The following MYH1 variants were observed in gnomAD, a reference collection of about 807,000 sequenced individuals.
MYH1 encodes the protein myosin-1.
MYH1 carries 214 observed loss-of-function variants against 225.6 expected under a neutral mutation model. The observed-to-expected ratio is 0.95, with a 90% CI of 0.85 to 1.06. The LOEUF is 1.06. Among genes scored for constraint, MYH1 ranks in the 50% least tolerant of loss-of-function variants. MYH1 has a pLI of 0.00. For synonymous variants in MYH1, 774 were observed against 842.3 expected (o/e 0.92, Z 1.40); for missense variants, 2,098 against 2,344.2 (o/e 0.89, Z 2.17).
chr17:10,500,784 A>G, intron 27 of MYH1, 32 bp from the exon 28 acceptor site: 1 of 1,613,988 alleles, frequency 6.2e-7, no homozygotes, highest in Non-Finnish European at 8.5e-7. Flanking sequence ...AGGCATCTCA[A>G]GTAAGTAGTT....
In MYH1 at chr17:10,515,966, G is replaced by T. The variant is rs749850764; in HGVS notation, c.465C>A (p.Ile155=). The T allele has an allele frequency of 4.3e-6, 7 of 1,614,096 alleles. No homozygotes were observed. The African/African-American group carries it at 6.7e-5, about 15-fold the overall frequency. ...GKKRQEAPPH[I]FSISDNAYQF... The stretch of plus-strand genomic sequence containing the variant: ...GATAGGCATTGTCAGAGATGGAGAA[G>T]ATGTGGGGTGGGGCCTCCTGGCGCT... Residue 155 remains isoleucine (I), a synonymous_variant, in exon 5 of 40, where the codon ATC becomes ATA. Coordinates refer to ENST00000226207, the MANE Select transcript of MYH1 (RefSeq NM_005963.4).
chr17:10,500,352 C>G (rs2073038431), intron 28 of MYH1, among the ~76,000 whole-genome samples: 1 of 150,978 alleles, frequency 6.6e-6, no homozygotes, highest in African/African-American at 2.4e-5. Context: ...ATTTATCTCT[C>G]TCTCTCTCTT....
chr17:10,516,777 T>G (rs1286405197), intron 2 of MYH1, 95 bp from the exon 3 acceptor site: 1 of 1,032,666 alleles, frequency 9.7e-7, no homozygotes, highest in African/African-American at 1.6e-5. Flanking sequence ...ACCAATTGAG[T>G]GCTTAGCATT....
At chr17:10,510,409 C>T (rs1169267859) in intron 14 of MYH1, among the ~76,000 whole-genome samples, 1 of 152,102 alleles carries the variant, frequency 6.6e-6, no homozygotes, top group Admixed American at 6.6e-5. Flanking sequence ...ATCATTTGCT[C>T]ATTTCATGGG....
At chr17:10,505,335 C>T in intron 20 of MYH1, 36 bp from the exon 21 acceptor site, 1 of 1,614,170 alleles carries the variant, frequency 6.2e-7, no homozygotes, top group Non-Finnish European at 8.5e-7. Context: ...AGAAAATTTA[C>T]ATAAAGTTCA....
At chr17:10,512,288 G>A (rs2073177960) in intron 12 of MYH1, 96 bp from the exon 13 acceptor site, 2 of 1,589,230 alleles carry the variant, frequency 1.3e-6, no homozygotes, top group Non-Finnish European at 1.7e-6. Context: ...TAGAAAGTCT[G>A]TGTGTGGGTA....
Position 10,513,674 on chromosome 17 carries a change from T to A in MYH1, c.757A>T (p.Ile253Phe). ...AGTTTCCCTGTGGTACCGAAGTGGATCCTGATGAATTTACCCTTGTAAGTA... is the reference window on the plus strand; with the variant it reads ...AGTTTCCCTGTGGTACCGAAGTGGAACCTGATGAATTTACCCTTGTAAGTA... Reference protein sequence around the residue: ...NSSRFGKFIRIHFGTTGKLAS... With the variant: ...NSSRFGKFIRFHFGTTGKLAS... The change falls in exon 9 of 40, where the codon ATC becomes TTC. Residue 253 changes from isoleucine to phenylalanine, a missense_variant. Coordinates refer to ENST00000226207, the MANE Select transcript of MYH1 (RefSeq NM_005963.4). 3 of 1,614,066 alleles carry A rather than the reference T, an allele frequency of 1.9e-6. No homozygotes were observed. Among genetic ancestry groups the A allele is most frequent in the Non-Finnish European group, 2.5e-6 (3 of 1,179,976 alleles).
chr17:10,500,571 A>G, intron 28 of MYH1, 55 bp downstream of exon 28: 1 of 1,608,368 alleles, frequency 6.2e-7, no homozygotes, highest in South Asian at 1.1e-5. Flanking sequence ...TTTTCAGTGG[A>G]TTACACATGC....
chr17:10,513,107 G>T, intron 9 of MYH1, 142 bp from the exon 10 acceptor site: 1 of 641,478 alleles, frequency 1.6e-6, no homozygotes, highest in Non-Finnish European at 2.8e-6. Flanking sequence ...CACATATTAT[G>T]TCTCTACAAA....
chr17:10,505,591 G>A, intron 19 of MYH1, 80 bp from the exon 20 acceptor site: 1 of 1,520,558 alleles, frequency 6.6e-7, no homozygotes, highest in Non-Finnish European at 8.9e-7. Flanking sequence ...AAACAACATA[G>A]CCACTGGGTA....
chr17:10,513,985 G>A (rs887021573), intron 7 of MYH1, 25 bp downstream of exon 7: 3 of 1,614,068 alleles, frequency 1.9e-6, no homozygotes, highest in Non-Finnish European at 2.5e-6. Flanking sequence ...ACAGAGCCTG[G>A]ATTCTGACTA....
In MYH1 at chr17:10,516,168, C is replaced by T. The variant is rs751091908; in HGVS notation, c.348+31G>A. ...CTTTTCAAAAACTATTAACTACTCT[C>T]ATGAGTAGAAGACCGTGAGAAAGAA... is the stretch of plus-strand genomic sequence containing the variant. On this transcript the variant is annotated intron_variant, in intron 4 of 39. Coordinates refer to ENST00000226207, the MANE Select transcript of MYH1 (RefSeq NM_005963.4). 20 of 1,613,790 alleles carry T rather than the reference C, an allele frequency of 1.2e-5. No homozygotes were observed. The South Asian group carries it at 1.8e-4, about 14-fold the overall frequency.
At position 10,492,379 on chromosome 17, in the gene MYH1, G is replaced by GT; in HGVS notation, c.*36dup. 1 of 1,604,398 alleles carries GT rather than the reference G, an allele frequency of 6.2e-7. No homozygotes were observed. Among genetic ancestry groups the GT allele is most frequent in the Non-Finnish European group, 8.5e-7 (1 of 1,176,244 alleles). ...GGAGTGACAAAGATTTTCACATTTT[G>GT]TGCATTTCTTTGGTCACCTTTCAGC... On this transcript the variant is annotated 3_prime_UTR_variant, in exon 40 of 40. Coordinates refer to ENST00000226207, the MANE Select transcript of MYH1 (RefSeq NM_005963.4).
rs761823646 is a variant in MYH1 at position 10,516,654 on chromosome 17, A to G, written c.-12T>C. 3.5e-5 allele frequency: 57 copies of G among 1,614,068 alleles called. No homozygotes were observed. The highest frequency in any genetic ancestry group is 4.7e-5 in the Non-Finnish European group (55 of 1,180,026). ...GAGTCGGAACTCATGGCTGCAGGTT[A>G]TTGATGGTAGCCCAGTTAAGGACCC... On this transcript the variant is annotated 5_prime_UTR_variant, in exon 3 of 40. Coordinates refer to ENST00000226207, the MANE Select transcript of MYH1 (RefSeq NM_005963.4).
Position 10,508,528 on chromosome 17 carries a change from C to T in MYH1, c.1732G>A (p.Ala578Thr), listed in dbSNP as rs2073139187. ...KPKPAKGKPE[A>T]HFSLIHYAGT... Reference sequence around the variant, plus strand: ...GCATAGTGAATCAAAGAGAAGTGGGCCTCAGGCTTGCCTTTGGCAGGCTTG... The same window carrying T: ...GCATAGTGAATCAAAGAGAAGTGGGTCTCAGGCTTGCCTTTGGCAGGCTTG... The change falls in exon 16 of 40, where the codon GCC becomes ACC. Residue 578 changes from alanine (A) to threonine (T), a missense_variant. Ala to Thr is a moderately conservative substitution (Grantham distance 58). Transcript: ENST00000226207. 1 of 1,614,088 alleles carries T rather than the reference C, an allele frequency of 6.2e-7. No individual in the cohort carries two copies. Among genetic ancestry groups the T allele is most frequent in the Non-Finnish European group, 8.5e-7 (1 of 1,180,016 alleles).
chr17:10,496,661 G>A, intron 33 of MYH1, 112 bp from the exon 34 acceptor site: 8 of 1,500,526 alleles, frequency 5.3e-6, no homozygotes, highest in Non-Finnish European at 7.2e-6. Context: ...TTTCTAAGTA[G>A]TAGTAAGATT....
intron 9 of MYH1, 33 bp from the exon 10 acceptor site, chr17:10,512,998 A>G (rs766423801): frequency 1.7e-5 from 24 of 1,448,494 alleles, no homozygotes; most frequent in Middle Eastern, 2.2e-4. Flanking sequence ...GATTATGGGG[A>G]AAAATTACAC....
At chr17:10,498,519 C>T in intron 30 of MYH1, 107 bp downstream of exon 30, 1 of 1,469,386 alleles carries the variant, frequency 6.8e-7, no homozygotes, top group East Asian at 2.3e-5. Flanking sequence ...AACATTAATT[C>T]CAACAATATG....
rs748018473 is a variant in MYH1 at position 10,501,149 on chromosome 17, A to G, written c.3699T>C (p.Asp1233=). ...KEKSEMKMEI[D]DLASNMETVS... is the part of the protein sequence containing the mutation. ...CAGTCTCCATGTTACTAGCAAGGTC[A>G]TCGATCTCCATCTTCATCTCACTCT... Residue 1233 remains aspartate, a synonymous_variant, in exon 27 of 40, where the codon GAT becomes GAC. Transcript: ENST00000226207. 6.2e-7 allele frequency: 1 copy of G among 1,614,148 alleles called. No individual in the cohort carries two copies. Among genetic ancestry groups the G allele is most frequent in the Non-Finnish European group, 8.5e-7 (1 of 1,179,992 alleles).
Sources: gnomAD v4.1 joint callset for allele counts (sites outside exome capture counted in the v4.1 genomes callset) on GRCh38, gnomAD v4.1.1 for gene constraint, MANE v1.5 for transcripts, NCBI Gene and HGNC (gene_info 2026-07-23, HGNC 2026-07-21) for gene names.